Variants in REEP1 observed in about 807,000 individuals in gnomAD.
The protein encoded by REEP1 is receptor accessory protein 1.
In REEP1, 22 loss-of-function variants were observed where a neutral mutation model predicts 40.3. The ratio of observed to expected loss-of-function variants is 0.55; its 90% CI spans 0.39 to 0.78. The LOEUF is 0.78. REEP1 is among the 30% of genes least tolerant of loss of function. The pLI, the probability that REEP1 is intolerant of heterozygous loss-of-function variation, is 0.00. For missense variants in REEP1, 280 were observed against 361.1 expected, an observed-to-expected ratio of 0.78 and a Z score of 1.82; for synonymous variants, 116 against 139.2, an observed-to-expected ratio of 0.83 and a Z score of 1.17.
intron 1 of REEP1, among the ~76,000 whole-genome samples, chr2:86,290,169 G>T (rs1171236496): frequency 6.6e-6 from 1 of 152,028 alleles, no homozygotes; most frequent in Non-Finnish European, 1.5e-5. Context: ...GCTGATTTTT[G>T]TATTTTTAGT....
chr2:86,287,867 G>GA (rs1315478889), intron 1 of REEP1, among the ~76,000 whole-genome samples: 1 of 151,836 alleles, frequency 6.6e-6, no homozygotes, highest in Non-Finnish European at 1.5e-5. Flanking sequence ...TGCATAAACA[G>GA]AAAAAAAGTG....
Position 86,216,918 on chromosome 2 carries a change from A to T in REEP1, c.*121T>A. 4 of 763,714 alleles carry T rather than the reference A, an allele frequency of 5.2e-6. No individual in the cohort carries two copies. Among genetic ancestry groups the T allele is most frequent in the Non-Finnish European group, 9.0e-6 (4 of 446,742 alleles). The allele number at this position is 763,714 out of a possible 1,614,324, so 47.3% of individuals were successfully genotyped here. On this transcript the variant is annotated 3_prime_UTR_variant, in exon 9 of 9. Coordinates refer to ENST00000538924, the MANE Select transcript of REEP1 (RefSeq NM_001371279.1). ...AGTGGAAGGGGAGAGAGAAAAGGCC[A>T]TGTTTGTGAGGCTGCACACTCAAAG...
intron 5 of REEP1, among the ~76,000 whole-genome samples, chr2:86,237,660 T>C (rs1675434521): frequency 6.6e-6 from 1 of 151,988 alleles, no homozygotes; most frequent in Non-Finnish European, 1.5e-5. Context: ...GTAGCTGGGA[T>C]CACAGGTGGC....
intron 1 of REEP1, among the ~76,000 whole-genome samples, chr2:86,306,530 T>C (rs1679486094): frequency 6.6e-6 from 1 of 152,194 alleles, no homozygotes; most frequent in Non-Finnish European, 1.5e-5. Context: ...ATGGAAGGAT[T>C]TTATGTAAAA....
intron 6 of REEP1, among the ~76,000 whole-genome samples, chr2:86,231,705 C>A (rs957057818): frequency 1.3e-5 from 2 of 151,990 alleles, no homozygotes; most frequent in African/African-American, 2.4e-5. Flanking sequence ...CCGTCCCCCA[C>A]CCCCCCACCA....
At chr2:86,266,143 G>A (rs546127484) in intron 2 of REEP1, among the ~76,000 whole-genome samples, 4 of 152,306 alleles carry the variant, frequency 2.6e-5, no homozygotes, top group South Asian at 2.1e-4. Flanking sequence ...GTATCAATAC[G>A]TTTTGAGTTA....
Position 86,258,034 on chromosome 2 carries a change from G to C in REEP1, c.183-3220C>G, listed in dbSNP as rs4832263. On this transcript the variant is annotated intron_variant, in intron 3 of 8. Coordinates refer to ENST00000538924, the MANE Select transcript of REEP1 (RefSeq NM_001371279.1). The stretch of plus-strand genomic sequence containing the variant: ...TACCTACTTCAGCCGAGCTACAAGG[G>C]AACCTCTTTGTGAACGGTGCTGAGG... Among the ~76,000 whole-genome samples the C allele has an allele frequency of 2.6e-5, 4 of 152,202 alleles. No homozygotes were observed. The South Asian group carries it at 8.3e-4, about 32-fold the overall frequency.
chr2:86,282,282 T>C lies in REEP1; in HGVS notation c.33-40A>G, dbSNP rs769773361. 4.9e-6 allele frequency: 7 copies of C among 1,418,260 alleles called. No homozygotes were observed. In the African/African-American group the frequency reaches 8.4e-5, roughly 17 times the overall value. 87.9% of individuals were successfully genotyped at this position (1,418,260 alleles called of 1,614,324 possible). A position where few individuals can be genotyped will look rare whatever the true frequency, so the allele number is the denominator to read the frequency against. ...GACAAAAATAAATACGATTTTTCAT[T>C]TATCTTATTTAATGGAAAATGTCTG... On this transcript the variant is annotated intron_variant, in intron 1 of 8. Coordinates refer to ENST00000538924, the MANE Select transcript of REEP1 (RefSeq NM_001371279.1).
intron 1 of REEP1, among the ~76,000 whole-genome samples, chr2:86,328,232 C>T (rs1377438165): frequency 2.0e-5 from 3 of 152,216 alleles, no homozygotes; most frequent in African/African-American, 7.2e-5. Flanking sequence ...GGCTCACTAG[C>T]CTCTTTCTCA....
chr2:86,282,315 T>C, intron 1 of REEP1, 73 bp from the exon 2 acceptor site: 1 of 1,137,364 alleles, frequency 8.8e-7, no homozygotes, highest in South Asian at 1.2e-5. Context: ...CTGTCTTCAA[T>C]GCCAAGAGCA....
At position 86,246,778 on chromosome 2, in the gene REEP1, C is replaced by T. The variant is rs559688325; in HGVS notation, c.417+5179G>A. ...GTGCAATGGTGTGATCTCGGCTTACCGCGACCTCCACCTCCTGAGTTCAAG... is the reference window on the plus strand; with the variant it reads ...GTGCAATGGTGTGATCTCGGCTTACTGCGACCTCCACCTCCTGAGTTCAAG... On this transcript the variant is annotated intron_variant, in intron 5 of 8. Transcript: ENST00000538924. 4.6e-5 allele frequency among the ~76,000 whole-genome samples: 7 copies of T among 150,596 alleles called. No individual in the cohort carries two copies. In the East Asian group the frequency reaches 5.8e-4, roughly 13 times the overall value.
chr2:86,219,594 C>A (rs562085736), intron 8 of REEP1, among the ~76,000 whole-genome samples: 1 of 151,872 alleles, frequency 6.6e-6, no homozygotes, highest in Admixed American at 6.5e-5. Flanking sequence ...TACAGGTGCG[C>A]GCCACTACAC....
At chr2:86,302,439 C>T (rs1183747358) in intron 1 of REEP1, among the ~76,000 whole-genome samples, 5 of 152,220 alleles carry the variant, frequency 3.3e-5, no homozygotes, top group Non-Finnish European at 7.3e-5. Flanking sequence ...GAGACTGGCA[C>T]AGTCTGGGGA....
chr2:86,294,275 A>G (rs543088144), intron 1 of REEP1, among the ~76,000 whole-genome samples: 1 of 152,352 alleles, frequency 6.6e-6, no homozygotes, highest in African/African-American at 2.4e-5. Context: ...AAAATGGTTA[A>G]GATGGTAAAT....
chr2:86,218,361 A>G (rs1674239788), intron 8 of REEP1, among the ~76,000 whole-genome samples: 1 of 152,078 alleles, frequency 6.6e-6, no homozygotes, highest in Non-Finnish European at 1.5e-5. Context: ...ATTCACCACC[A>G]TTTCCTGGTA....
chr2:86,263,290 T>C (rs1676960766), intron 3 of REEP1, among the ~76,000 whole-genome samples: 2 of 152,198 alleles, frequency 1.3e-5, no homozygotes, highest in Non-Finnish European at 2.9e-5. Flanking sequence ...AGTGCAATGA[T>C]GCGATCTTGG....
chr2:86,316,547 T>TAAAAA (rs1680019136), intron 1 of REEP1, among the ~76,000 whole-genome samples: 1 of 27,110 alleles, frequency 3.7e-5, no homozygotes. Context: ...AAACTCTGTC[T>TAAAAA]CAAAAAAAAA....
chr2:86,224,671 C>T (rs1674595202), intron 7 of REEP1, among the ~76,000 whole-genome samples: 1 of 152,202 alleles, frequency 6.6e-6, no homozygotes, highest in African/African-American at 2.4e-5. Flanking sequence ...TCCCGCTGTC[C>T]AGCAACCCCC....
At chr2:86,248,697 A>C (rs1676101535) in intron 5 of REEP1, among the ~76,000 whole-genome samples, 2 of 151,940 alleles carry the variant, frequency 1.3e-5, no homozygotes, top group South Asian at 4.1e-4. Flanking sequence ...CAGTTCTCCC[A>C]CCTCGGCCTC....
Sources: gnomAD v4.1 joint callset for allele counts (sites outside exome capture counted in the v4.1 genomes callset) on GRCh38, gnomAD v4.1.1 for gene constraint, MANE v1.5 for transcripts, NCBI Gene and HGNC (gene_info 2026-07-23, HGNC 2026-07-21) for gene names.